GPC5: variants seen among roughly 807,000 people sequenced by gnomAD.
GPC5 encodes glypican 5.
In GPC5, 47 loss-of-function variants were observed where a neutral mutation model predicts 53.9. The observed-to-expected ratio is 0.87, with a 90% CI of 0.69 to 1.11. The LOEUF (loss-of-function observed/expected upper bound fraction) is 1.11, where lower values mean the gene tolerates loss of function less well. Among genes scored for constraint, GPC5 ranks in the 50% most tolerant of loss-of-function variants. The pLI, the probability that GPC5 is intolerant of heterozygous loss-of-function variation, is 0.00. For synonymous variants in GPC5, 286 were observed against 263.3 expected (o/e 1.09, Z -0.84); for missense variants, 748 against 713.1 (o/e 1.05, Z -0.56).
chr13:92,559,303 C>A (rs1242383023), intron 7 of GPC5, among the ~76,000 whole-genome samples: 1 of 150,158 alleles, frequency 6.7e-6, no homozygotes. Flanking sequence ...ACCCTGACTT[C>A]CTTCAGATGC....
intron 7 of GPC5, among the ~76,000 whole-genome samples, chr13:92,752,782 GGGCTTAAAAAA>G (rs1874629852): frequency 6.6e-6 from 1 of 152,122 alleles, no homozygotes; most frequent in South Asian, 2.1e-4. Context: ...CTTTTCCAAC[GGGCTTAAAAAA>G]CAGCGCACCA....
intron 6 of GPC5, among the ~76,000 whole-genome samples, chr13:92,119,401 T>TTG (rs2041628048): frequency 7.9e-6 from 1 of 126,750 alleles, no homozygotes; most frequent in Non-Finnish European, 1.7e-5. Flanking sequence ...TTTTTTTTTT[T>TTG]TTTTTTTTTT....
intron 5 of GPC5, among the ~76,000 whole-genome samples, chr13:91,831,003 A>G (rs2038650017): frequency 7.3e-6 from 1 of 137,228 alleles, no homozygotes. Flanking sequence ...TAATATATAT[A>G]TCCTATTATA....
At chr13:92,730,025 G>A (rs772373563) in intron 7 of GPC5, among the ~76,000 whole-genome samples, 2 of 151,346 alleles carry the variant, frequency 1.3e-5, no homozygotes, top group South Asian at 4.2e-4. Flanking sequence ...AAATATAAAC[G>A]AATTATAGCC....
At chr13:91,827,895 AC>A (rs549072566) in intron 5 of GPC5, among the ~76,000 whole-genome samples, 108 of 152,058 alleles carry the variant, frequency 7.1e-4, no homozygotes, top group Non-Finnish European at 1.4e-3. Flanking sequence ...ATACGTACTC[AC>A]AGCATCATTA....
At chr13:92,290,947 G>A (rs2042990243) in intron 7 of GPC5, among the ~76,000 whole-genome samples, 1 of 152,152 alleles carries the variant, frequency 6.6e-6, no homozygotes. Context: ...CGTGAGTTCT[G>A]GGTGGGCCTG....
At chr13:92,196,835 C>T (rs527528841) in intron 7 of GPC5, among the ~76,000 whole-genome samples, 1 of 152,226 alleles carries the variant, frequency 6.6e-6, no homozygotes, top group African/African-American at 2.4e-5. Flanking sequence ...GGTTTCTAGG[C>T]ACAGAAAGCA....
At chr13:92,291,755 C>T (rs191398576) in intron 7 of GPC5, among the ~76,000 whole-genome samples, 1 of 152,182 alleles carries the variant, frequency 6.6e-6, no homozygotes, top group African/African-American at 2.4e-5. Context: ...TAACACTCAC[C>T]CTGAAGGTCT....
At chr13:92,511,911 A>C (rs766763689) in intron 7 of GPC5, among the ~76,000 whole-genome samples, 10 of 152,148 alleles carry the variant, frequency 6.6e-5, no homozygotes, top group Non-Finnish European at 1.2e-4. Context: ...AGAGACGTGG[A>C]GTGCAGGCTG....
chr13:92,226,862 A>G (rs2042490649), intron 7 of GPC5, among the ~76,000 whole-genome samples: 1 of 152,000 alleles, frequency 6.6e-6, no homozygotes, highest in African/African-American at 2.4e-5. Context: ...AGCCTCCCAA[A>G]GTCCTGCGAT....
chr13:91,515,843 T>G (rs1268773670), intron 2 of GPC5, among the ~76,000 whole-genome samples: 1 of 152,190 alleles, frequency 6.6e-6, no homozygotes, highest in Non-Finnish European at 1.5e-5. Flanking sequence ...AGAGGTTTAA[T>G]TGGACTTACA....
At chr13:92,700,862 A>G (rs891531344) in intron 7 of GPC5, among the ~76,000 whole-genome samples, 1 of 152,014 alleles carries the variant, frequency 6.6e-6, no homozygotes, top group African/African-American at 2.4e-5. Context: ...TAGCTGCAAA[A>G]TTTTCCATTC....
chr13:92,055,605 T>A (rs1333390098), intron 6 of GPC5, among the ~76,000 whole-genome samples: 1 of 152,180 alleles, frequency 6.6e-6, no homozygotes, highest in African/African-American at 2.4e-5. Flanking sequence ...GCAACAACAT[T>A]TACTGCCTAT....
At chr13:91,653,738 T>C (rs1267761046) in intron 2 of GPC5, among the ~76,000 whole-genome samples, 2 of 152,156 alleles carry the variant, frequency 1.3e-5, no homozygotes, top group Non-Finnish European at 2.9e-5. Flanking sequence ...TAAAACATCA[T>C]AGGCAAGTTA....
intron 7 of GPC5, among the ~76,000 whole-genome samples, chr13:92,433,744 G>T (rs1211466716): frequency 6.6e-6 from 1 of 152,134 alleles, no homozygotes; most frequent in Non-Finnish European, 1.5e-5. Context: ...TTAAAAAGGA[G>T]AAAAAGCCTG....
chr13:91,449,051 T>C (rs1450537041), intron 2 of GPC5, 129 bp downstream of exon 2: 4 of 1,058,734 alleles, frequency 3.8e-6, no homozygotes, highest in Non-Finnish European at 5.4e-6. Context: ...TAAAATGAGG[T>C]TTTAACTTTT....
At chr13:91,716,531 A>G (rs562611083) in intron 3 of GPC5, among the ~76,000 whole-genome samples, 11 of 152,242 alleles carry the variant, frequency 7.2e-5, no homozygotes, top group Non-Finnish European at 1.3e-4. Flanking sequence ...CATCTGCATT[A>G]TATCTGTGAC....
chr13:92,027,943 A>G (rs969057428), intron 6 of GPC5, among the ~76,000 whole-genome samples: 3 of 131,584 alleles, frequency 2.3e-5, no homozygotes, highest in African/African-American at 8.3e-5. Flanking sequence ...TTTTTCATCA[A>G]AATGGACATG....
At chr13:92,162,806 A>G (rs2041999335) in intron 7 of GPC5, among the ~76,000 whole-genome samples, 1 of 149,418 alleles carries the variant, frequency 6.7e-6, no homozygotes, top group Admixed American at 6.7e-5. Flanking sequence ...CATAAATGAC[A>G]ACTCAATACT....
Sources: allele counts gnomAD v4.1 joint callset (sites outside exome capture counted in the v4.1 genomes callset), GRCh38; gene constraint gnomAD v4.1.1; transcripts MANE v1.5; gene names NCBI Gene and HGNC (gene_info 2026-07-23, HGNC 2026-07-21).